The following SKI variants were observed in gnomAD, a reference collection of about 807,000 sequenced individuals.
SKI encodes the protein SKI proto-oncogene.
A neutral mutation model predicts 59.3 loss-of-function variants in SKI; 23 were observed. The observed-to-expected ratio is 0.39, with a 90% CI of 0.28 to 0.55. The LOEUF is 0.55. Ranked by LOEUF, SKI falls within the 20% of genes least tolerant of loss-of-function variation. The pLI is 0.67. For synonymous variants in SKI, 673 were observed against 488.6 expected, an observed-to-expected ratio of 1.38 and a Z score of -4.98; for missense variants, 1,017 against 1,038.9, an observed-to-expected ratio of 0.98 and a Z score of 0.29.
chr1:2,306,291 G>A (rs1640575000), intron 6 of SKI, 41 bp downstream of exon 6: 8 of 1,487,522 alleles, frequency 5.4e-6, no homozygotes, highest in Admixed American at 2.1e-5. Context: ...CACGGTGGGC[G>A]TGGAGCCGCC....
rs1022360604 is a variant in SKI, at chr1:2,306,566, C to T, written c.1999-11C>T. 26 of 1,540,278 alleles carry T rather than the reference C, an allele frequency of 1.7e-5. No homozygotes were observed. Among genetic ancestry groups the T allele is most frequent in the South Asian group, 4.8e-5 (4 of 83,730 alleles). On this transcript the variant is annotated splice_polypyrimidine_tract_variant and intron_variant, in intron 6 of 6. Transcript: ENST00000378536. ...CGAGCAGGCGCCGCTGACCACTCGG[C>T]TCCCTTTCAGATCGAAGACCTGCAG...
Position 2,307,330 on chromosome 1 carries a change from G to C in SKI, c.*565G>C, listed in dbSNP as rs1325938220. 1 of 152,634 alleles carries C rather than the reference G, an allele frequency of 6.6e-6. No homozygotes were observed. The highest frequency in any genetic ancestry group is 1.5e-5 in the Non-Finnish European group (1 of 68,158). The allele number at this position is 152,634 out of a possible 1,614,324, so 9.5% of individuals were successfully genotyped here. A position where few individuals can be genotyped will look rare whatever the true frequency, so the allele number is the denominator to read the frequency against. On this transcript the variant is annotated 3_prime_UTR_variant, in exon 7 of 7. Transcript: ENST00000378536. ...TGCTGCCAGGGAGAGCAGGGACAGT[G>C]CCGCGTGCGAGATGAGCTCGAACAC...
chr1:2,299,068 A>T (rs531024494), intron 1 of SKI, among the ~76,000 whole-genome samples: 4 of 152,280 alleles, frequency 2.6e-5, no homozygotes, highest in Admixed American at 2.6e-4. Context: ...TTGGGGTGTG[A>T]ATTCTCTCAG....
At chr1:2,241,742 T>A (rs1269413929) in intron 1 of SKI, among the ~76,000 whole-genome samples, 7 of 152,204 alleles carry the variant, frequency 4.6e-5, no homozygotes, top group Non-Finnish European at 8.8e-5. Context: ...TATTTCATAT[T>A]TAAGTGTTTC....
At chr1:2,247,458 CA>C (rs1304863255) in intron 1 of SKI, among the ~76,000 whole-genome samples, 12 of 152,190 alleles carry the variant, frequency 7.9e-5, no homozygotes, top group Admixed American at 7.8e-4. Context: ...GTTCTTTTAG[CA>C]AAATGATGGC....
chr1:2,233,344 C>T (rs959322555), intron 1 of SKI, among the ~76,000 whole-genome samples: 6 of 152,024 alleles, frequency 3.9e-5, no homozygotes, highest in African/African-American at 7.3e-5. Context: ...TTCCTAGGGG[C>T]GGTGGGCTGC....
chr1:2,268,053 C>T lies in SKI; in HGVS notation c.970-34925C>T, dbSNP rs1285827533. ...CCCTTAGAAGCAGGTTCCCACAGGC[C>T]AGGGCACTCCCAACAGCACTGCGTG... On this transcript the variant is annotated intron_variant, in intron 1 of 6. Transcript: ENST00000378536. This position sits in a 1 kb window ranked among gnomAD's most constrained non-coding sequence, Gnocchi z 5.0. Among the ~76,000 whole-genome samples the T allele has an allele frequency of 6.6e-6, 1 of 152,180 alleles. No individual in the cohort carries two copies. The highest frequency in any genetic ancestry group is 1.5e-5 in the Non-Finnish European group (1 of 68,008).
chr1:2,301,332 C>A (rs971650418), intron 1 of SKI, among the ~76,000 whole-genome samples: 9 of 152,238 alleles, frequency 5.9e-5, no homozygotes, highest in African/African-American at 1.2e-4. Flanking sequence ...TTTTCCTGAA[C>A]AGCTATTTTA....
At chr1:2,280,418 G>C (rs923357985) in intron 1 of SKI, among the ~76,000 whole-genome samples, 1 of 151,954 alleles carries the variant, frequency 6.6e-6, no homozygotes, top group African/African-American at 2.4e-5. Context: ...TCACAAGGGG[G>C]CTGCCCCTTC....
intron 1 of SKI, among the ~76,000 whole-genome samples, chr1:2,230,887 C>G (rs1328236336): frequency 1.5e-4 from 23 of 151,898 alleles, no homozygotes. Flanking sequence ...AGCAGAGTGT[C>G]AGATCGTGGG....
At chr1:2,276,659 G>T (rs182855663) in intron 1 of SKI, among the ~76,000 whole-genome samples, 3 of 152,350 alleles carry the variant, frequency 2.0e-5, no homozygotes, top group Admixed American at 2.0e-4. Flanking sequence ...TGGGGACAGC[G>T]CTAGGCCTGC....
intron 1 of SKI, among the ~76,000 whole-genome samples, chr1:2,300,919 C>G (rs1640408898): frequency 6.6e-6 from 1 of 152,300 alleles, no homozygotes; most frequent in Non-Finnish European, 1.5e-5. Context: ...GCCACCTCCA[C>G]GGGGCGGCTG....
chr1:2,296,609 C>T (rs1344836350), intron 1 of SKI, among the ~76,000 whole-genome samples: 1 of 152,012 alleles, frequency 6.6e-6, no homozygotes, highest in Non-Finnish European at 1.5e-5. Flanking sequence ...CAGAGTTCTT[C>T]ATGTGTTCTG....
intron 1 of SKI, among the ~76,000 whole-genome samples, chr1:2,254,300 A>C (rs117735697): frequency 6.6e-6 from 1 of 151,922 alleles, no homozygotes; most frequent in Admixed American, 6.6e-5. Flanking sequence ...TGCCCGTTGG[A>C]GGGGGTGGGA....
rs923343651 is a variant in SKI, at chr1:2,270,226, C to T, written c.970-32752C>T. Among the ~76,000 whole-genome samples the T allele has an allele frequency of 6.6e-6, 1 of 152,314 alleles. No individual in the cohort carries two copies. The highest frequency in any genetic ancestry group is 1.9e-4 in the East Asian group (1 of 5,180). On this transcript the variant is annotated intron_variant, in intron 1 of 6. Transcript: ENST00000378536. This position sits in a 1 kb window ranked among gnomAD's most constrained non-coding sequence, Gnocchi z 4.1. ...GAGCTAGAGCAAGGGCAGGTGGGCC[C>T]ACTGGCTGGCGCTGCGTCTGGGTTC...
At position 2,306,178 on chromosome 1, in the gene SKI, G is replaced by A; in HGVS notation, c.1926G>A (p.Glu642=). 6.3e-7 allele frequency: 1 copy of A among 1,587,494 alleles called. No individual in the cohort carries two copies. The highest frequency in any genetic ancestry group is 1.1e-5 in the South Asian group (1 of 87,532). The change falls in exon 6 of 7, where the codon GAG becomes GAA. Residue 642 remains glutamate (E), a synonymous_variant. Coordinates refer to ENST00000378536, the MANE Select transcript of SKI (RefSeq NM_003036.4). ...ESRLRLKREL[E]QARQARVCDK... is the part of the protein sequence containing the mutation. ...GGCTGCGCCTGAAGCGGGAGCTGGA[G>A]CAGGCGCGGCAGGCCCGGGTGTGCG...
chr1:2,229,462 G>C lies in SKI; in HGVS notation c.696G>C (p.Leu232=). The C allele has an allele frequency of 6.2e-7, 1 of 1,612,072 alleles. No homozygotes were observed. Among genetic ancestry groups the C allele is most frequent in the South Asian group, 1.1e-5 (1 of 91,060 alleles). Residue 232 remains leucine, a synonymous_variant, in exon 1 of 7, where the codon CTG becomes CTC. Transcript: ENST00000378536. This position sits in a 1 kb window ranked among gnomAD's most constrained non-coding sequence, Gnocchi z 6.3. ...HECFGKCKGL[L]VPELYSSPSA... ...GCTTCGGCAAGTGTAAGGGGCTGCT[G>C]GTGCCCGAGCTCTACAGCAGCCCGA...
intron 1 of SKI, among the ~76,000 whole-genome samples, chr1:2,263,067 T>A (rs776460257): frequency 6.6e-6 from 1 of 151,792 alleles, no homozygotes; most frequent in Non-Finnish European, 1.5e-5. Context: ...ACCCAGCTAA[T>A]TTTTTGTATT....
intron 1 of SKI, among the ~76,000 whole-genome samples, chr1:2,235,104 G>GCGA (rs1238166582): frequency 6.6e-6 from 1 of 150,784 alleles, no homozygotes. Flanking sequence ...GTGCAGTGGT[G>GCGA]CGATCTTGGC....
Sources: allele counts gnomAD v4.1 joint callset (sites outside exome capture counted in the v4.1 genomes callset), GRCh38; gene constraint gnomAD v4.1.1; non-coding constraint Gnocchi (gnomAD v3.1); transcripts MANE v1.5; gene names NCBI Gene and HGNC (gene_info 2026-07-23, HGNC 2026-07-21).